Variants in ADAMTS18 observed in about 807,000 individuals in gnomAD.
ADAMTS18 encodes ADAM metallopeptidase with thrombospondin type 1 motif 18.
In ADAMTS18, 157 loss-of-function variants were observed where a neutral mutation model predicts 165.9. The observed-to-expected ratio is 0.95, with a 90% CI of 0.83 to 1.08. The LOEUF (loss-of-function observed/expected upper bound fraction) is 1.08, where lower values mean the gene tolerates loss of function less well. Ranked by LOEUF, ADAMTS18 falls within the 50% of genes least tolerant of loss-of-function variation. ADAMTS18 has a pLI of 0.00. For synonymous variants in ADAMTS18, 782 were observed against 578.2 expected (o/e 1.35, Z -5.06); for missense variants, 2,040 against 1,534.0 (o/e 1.33, Z -5.51).
At chr16:77,404,634 T>C (rs1277121315) in intron 3 of ADAMTS18, among the ~76,000 whole-genome samples, 1 of 152,186 alleles carries the variant, frequency 6.6e-6, no homozygotes, top group African/African-American at 2.4e-5. Context: ...CTGTTCTGTT[T>C]GTGTAATGAA....
In ADAMTS18 at chr16:77,282,695, A is replaced by G. The variant is rs1374292635; in HGVS notation, c.*1261T>C. 3 of 152,606 alleles carry G rather than the reference A, an allele frequency of 2.0e-5. No homozygotes were observed. The highest frequency in any genetic ancestry group is 7.2e-5 in the African/African-American group (3 of 41,436). 9.5% of individuals were successfully genotyped at this position (152,606 alleles called of 1,614,324 possible). On this transcript the variant is annotated 3_prime_UTR_variant, in exon 23 of 23. Coordinates refer to ENST00000282849, the MANE Select transcript of ADAMTS18 (RefSeq NM_199355.4). ...TCAAAAAATTACAGGAGGACACAGT[A>G]TTATAATTACTTTGGTTTTGGCAAA...
chr16:77,427,614 G>A (rs1444946137), intron 3 of ADAMTS18, among the ~76,000 whole-genome samples: 1 of 152,156 alleles, frequency 6.6e-6, no homozygotes, highest in Non-Finnish European at 1.5e-5. Context: ...AAACAGGGGT[G>A]AGCTTTTCTA....
chr16:77,334,546 T>C (rs1158396891), intron 12 of ADAMTS18, among the ~76,000 whole-genome samples: 3 of 113,054 alleles, frequency 2.7e-5, no homozygotes, highest in Non-Finnish European at 4.9e-5. Context: ...CTGGATATTA[T>C]AGTATATATT....
intron 3 of ADAMTS18, among the ~76,000 whole-genome samples, chr16:77,417,630 T>C (rs892790099): frequency 4.6e-5 from 7 of 152,242 alleles, no homozygotes; most frequent in African/African-American, 1.7e-4. Context: ...TCTTCAAGTA[T>C]GGCGACTATT....
intron 3 of ADAMTS18, among the ~76,000 whole-genome samples, chr16:77,381,501 T>C (rs2057029760): frequency 6.6e-6 from 1 of 152,066 alleles, no homozygotes; most frequent in East Asian, 1.9e-4. Flanking sequence ...TGAGGTTAAG[T>C]GGCATTAAAA....
rs1417470741 is a variant in ADAMTS18 at position 77,300,391 on chromosome 16, C to T, written c.2546G>A (p.Gly849Asp). ...CTTCCAAGCTATCCCTGGATTTTTG[C>T]CTTGCATCAGAATCTGGACAGTGTA... ...ETLVFEILMQ[G>D]KNPGIAWKYA... The change falls in exon 17 of 23, where the codon GGC (glycine) becomes GAC (aspartate). Residue 849 changes from glycine to aspartate, a missense_variant. Physicochemically the swap from Gly to Asp is moderately conservative, Grantham distance 94. Coordinates refer to ENST00000282849, the MANE Select transcript of ADAMTS18 (RefSeq NM_199355.4). The T allele has an allele frequency of 6.2e-7, 1 of 1,613,986 alleles. No individual in the cohort carries two copies. The highest frequency in any genetic ancestry group is 2.2e-5 in the East Asian group (1 of 44,868).
intron 20 of ADAMTS18, among the ~76,000 whole-genome samples, chr16:77,292,181 T>C (rs149730385): frequency 5.7e-4 from 87 of 152,190 alleles, no homozygotes; most frequent in African/African-American, 2.0e-3. Flanking sequence ...CCAGGTATAG[T>C]GGTGCATGCC....
At chr16:77,289,459 A>T in intron 21 of ADAMTS18, 48 bp from the exon 22 acceptor site, 1 of 1,601,404 alleles carries the variant, frequency 6.2e-7, no homozygotes, top group Non-Finnish European at 8.5e-7. Flanking sequence ...TACTGAGGTC[A>T]GTGACATCAA....
At chr16:77,363,165 C>G (rs1303400863) in intron 6 of ADAMTS18, among the ~76,000 whole-genome samples, 1 of 152,200 alleles carries the variant, frequency 6.6e-6, no homozygotes, top group Non-Finnish European at 1.5e-5. Flanking sequence ...CATCAAAACA[C>G]TACAAAGCAG....
At chr16:77,314,767 T>TATATATATATATATATAC (rs2055853695) in intron 16 of ADAMTS18, among the ~76,000 whole-genome samples, 1 of 81,692 alleles carries the variant, frequency 1.2e-5, no homozygotes, top group Non-Finnish European at 2.6e-5. Context: ...TATATATATA[T>TATATATATATATATATAC]ATATATATAT....
At chr16:77,317,601 G>C (rs995561756) in intron 16 of ADAMTS18, among the ~76,000 whole-genome samples, 1 of 152,148 alleles carries the variant, frequency 6.6e-6, no homozygotes, top group African/African-American at 2.4e-5. Context: ...ATTTCCTAAT[G>C]TGTGGACATT....
rs577989165 is a variant in ADAMTS18, at chr16:77,414,615, T to C, written c.495+16680A>G. 1.1e-4 allele frequency among the ~76,000 whole-genome samples: 16 copies of C among 152,282 alleles called. No individual in the cohort carries two copies. In the South Asian group the frequency reaches 3.1e-3, roughly 30 times the overall value. On this transcript the variant is annotated intron_variant, in intron 3 of 22. Transcript: ENST00000282849. ...ACAGCGCTAGCCTGAAGCAAAGAGA[T>C]GGTAGAGTTCCACACATCACAAAAA...
chr16:77,381,795 C>G (rs1257859970), intron 3 of ADAMTS18, among the ~76,000 whole-genome samples: 1 of 152,096 alleles, frequency 6.6e-6, no homozygotes, highest in Non-Finnish European at 1.5e-5. Flanking sequence ...GAGCGAGACT[C>G]CATCTCAAAA....
intron 3 of ADAMTS18, among the ~76,000 whole-genome samples, chr16:77,399,625 G>A (rs2057300772): frequency 6.6e-6 from 1 of 152,166 alleles, no homozygotes; most frequent in Admixed American, 6.5e-5. Flanking sequence ...TCGAGAAATG[G>A]AGAAGAAAAC....
chr16:77,360,041 A>G (rs543596220), intron 7 of ADAMTS18, among the ~76,000 whole-genome samples: 40 of 152,340 alleles, frequency 2.6e-4, no homozygotes, highest in Non-Finnish European at 4.7e-4. Flanking sequence ...ATCTTCAAAT[A>G]CAATACAGTG....
intron 11 of ADAMTS18, among the ~76,000 whole-genome samples, chr16:77,339,086 GAAAC>G (rs1292503294): frequency 1.3e-5 from 2 of 152,110 alleles, no homozygotes; most frequent in African/African-American, 4.8e-5. Context: ...CAGTTACAGA[GAAAC>G]AAACAAAACA....
chr16:77,368,242 T>C (rs781357218), intron 3 of ADAMTS18, among the ~76,000 whole-genome samples: 5 of 152,154 alleles, frequency 3.3e-5, no homozygotes, highest in South Asian at 2.1e-4. Flanking sequence ...CCCAGAGTTC[T>C]CTACTTTCAG....
chr16:77,434,271 C>T (rs1265218957), intron 2 of ADAMTS18, 147 bp downstream of exon 2: 2 of 931,376 alleles, frequency 2.1e-6, no homozygotes, highest in African/African-American at 1.6e-5. Context: ...TGCCAACCTT[C>T]CCCCCTCTCC....
rs1443862786 is a variant in ADAMTS18 at position 77,293,171 on chromosome 16, T to A, written c.3094A>T (p.Thr1032Ser). ...TGCAGCTCAGGTCTGGGGAGACTGG[T>A]ACACTGGCTCTCGGGGAGGGTTTCT... is the stretch of plus-strand genomic sequence containing the variant. ...AAETLPESQC[T>S]SLPRPELQEG... The change falls in exon 20 of 23, where the codon ACC becomes TCC. Residue 1032 changes from threonine to serine, a missense_variant. Transcript: ENST00000282849. The A allele has an allele frequency of 6.2e-7, 1 of 1,613,912 alleles. No homozygotes were observed. Among genetic ancestry groups the A allele is most frequent in the Admixed American group, 1.7e-5 (1 of 59,992 alleles).
Sources: allele counts gnomAD v4.1 joint callset (sites outside exome capture counted in the v4.1 genomes callset), GRCh38; gene constraint gnomAD v4.1.1; transcripts MANE v1.5; gene names NCBI Gene and HGNC (gene_info 2026-07-23, HGNC 2026-07-21).